SLC24A2: variants seen among roughly 807,000 people sequenced by gnomAD.
The protein encoded by SLC24A2 is solute carrier family 24 member 2.
In SLC24A2, 36 loss-of-function variants were observed where a neutral mutation model predicts 62.0. That is an observed-to-expected ratio of 0.58 (90% CI 0.44 to 0.77). The LOEUF is 0.77. SLC24A2 is among the 30% of genes least tolerant of loss of function. The probability of loss-of-function intolerance (pLI) is 0.00; values close to 1 mark genes in which losing one functional copy is unlikely to be tolerated. For synonymous variants in SLC24A2, 358 were observed against 294.0 expected, an observed-to-expected ratio of 1.22 and a Z score of -2.23; for missense variants, 846 against 817.9, an observed-to-expected ratio of 1.03 and a Z score of -0.42.
intron 1 of SLC24A2, 110 bp downstream of exon 1, chr9:19,788,775 A>G (rs866420245): frequency 2.0e-6 from 2 of 985,276 alleles, no homozygotes; most frequent in Admixed American, 6.1e-5. Context: ...CATCCACGGC[A>G]GAGCCACCTG....
chr9:20,142,109 G>T, the SLC24A2 span, among the ~76,000 whole-genome samples: 1 of 152,040 alleles, frequency 6.6e-6, no homozygotes, highest in East Asian at 1.9e-4. Context: ...ATTATTTAAA[G>T]AGTTCGATGA....
chr9:19,971,294 A>G, the SLC24A2 span, among the ~76,000 whole-genome samples: 1 of 152,344 alleles, frequency 6.6e-6, no homozygotes, highest in South Asian at 2.1e-4. Context: ...ATGCATGAGT[A>G]AAGAATGTTT....
At chr9:19,750,560 A>G (rs1347618645) in intron 2 of SLC24A2, among the ~76,000 whole-genome samples, 4 of 152,070 alleles carry the variant, frequency 2.6e-5, no homozygotes, top group African/African-American at 9.7e-5. Flanking sequence ...CAACAGCAAA[A>G]GGGTCTGAAC....
At chr9:19,571,676 C>A (rs912564945) in intron 7 of SLC24A2, among the ~76,000 whole-genome samples, 1 of 152,160 alleles carries the variant, frequency 6.6e-6, no homozygotes, top group Non-Finnish European at 1.5e-5. Context: ...TTTGTAAGTA[C>A]ATTAAAGTTT....
intron 2 of SLC24A2, among the ~76,000 whole-genome samples, chr9:19,785,113 C>T (rs938498682): frequency 1.3e-5 from 2 of 152,090 alleles, no homozygotes; most frequent in South Asian, 2.1e-4. Context: ...ATACCACATA[C>T]GATTGTATTG....
At chr9:20,121,549 T>C in the SLC24A2 span, among the ~76,000 whole-genome samples, 2 of 152,170 alleles carry the variant, frequency 1.3e-5, no homozygotes, top group Non-Finnish European at 2.9e-5. Flanking sequence ...TGCAAAGCTG[T>C]AGTTACCCAG....
At chr9:20,050,711 T>A in the SLC24A2 span, among the ~76,000 whole-genome samples, 3 of 152,160 alleles carry the variant, frequency 2.0e-5, no homozygotes, top group Admixed American at 2.0e-4. Context: ...CATAGTACAA[T>A]AAGCAAATAT....
At chr9:20,278,382 A>G in the SLC24A2 span, among the ~76,000 whole-genome samples, 25 of 152,174 alleles carry the variant, frequency 1.6e-4, no homozygotes, top group African/African-American at 4.6e-4. Context: ...ATAAAACTGA[A>G]TGCTTTTATG....
At position 19,592,336 on chromosome 9, in the gene SLC24A2, G is replaced by C. The variant is rs138311591; in HGVS notation, c.1129+4893C>G. On this transcript the variant is annotated intron_variant, in intron 5 of 10. Transcript: ENST00000341998. ...TTTTCTCCCTTATACAAATGAACAA[G>C]GATTGACTTTTTAAATAGTGGTGAA... Among the ~76,000 whole-genome samples the C allele has an allele frequency of 1.9e-3, 294 of 152,228 alleles. 1 individual carries two copies. Among genetic ancestry groups the C allele is most frequent in the African/African-American group, 6.6e-3 (276 of 41,524 alleles).
At chr9:19,666,140 T>G (rs1819246196) in intron 2 of SLC24A2, among the ~76,000 whole-genome samples, 1 of 152,160 alleles carries the variant, frequency 6.6e-6, no homozygotes, top group Non-Finnish European at 1.5e-5. Flanking sequence ...GCACAGTGGC[T>G]CACATCTGTA....
the SLC24A2 span, among the ~76,000 whole-genome samples, chr9:20,188,391 G>A: frequency 1.3e-5 from 2 of 152,178 alleles, no homozygotes; most frequent in South Asian, 4.1e-4. Flanking sequence ...GGAACTCCAA[G>A]TAACACTTTA....
chr9:19,986,546 T>C, the SLC24A2 span, among the ~76,000 whole-genome samples: 2 of 151,458 alleles, frequency 1.3e-5, no homozygotes, highest in Non-Finnish European at 2.9e-5. Context: ...CAAATGTCCA[T>C]CAGCAGATAA....
At chr9:20,117,949 T>G in the SLC24A2 span, among the ~76,000 whole-genome samples, 21,403 of 152,012 alleles carry the variant, frequency 0.14, 1,581 homozygotes, top group Middle Eastern at 0.26. Context: ...CTAGTAAGAG[T>G]CAGTGTCATA....
At chr9:19,730,492 C>T (rs1821303994) in intron 2 of SLC24A2, among the ~76,000 whole-genome samples, 1 of 151,984 alleles carries the variant, frequency 6.6e-6, no homozygotes, top group African/African-American at 2.4e-5. Context: ...CACCAGTAGG[C>T]GAACAGTTAA....
chr9:20,109,135 G>A, the SLC24A2 span, among the ~76,000 whole-genome samples: 6 of 152,094 alleles, frequency 3.9e-5, no homozygotes, highest in Non-Finnish European at 7.4e-5. Context: ...TGTGTAATAG[G>A]CTATACTGTC....
chr9:19,993,637 C>A, the SLC24A2 span, among the ~76,000 whole-genome samples: 1 of 152,184 alleles, frequency 6.6e-6, no homozygotes, highest in Non-Finnish European at 1.5e-5. Flanking sequence ...CACATCTCCT[C>A]CTCCGTGAAG....
the SLC24A2 span, among the ~76,000 whole-genome samples, chr9:19,978,187 A>G: frequency 4.6e-5 from 7 of 152,178 alleles, no homozygotes; most frequent in Admixed American, 1.3e-4. Flanking sequence ...GCCATTTACA[A>G]AGCTGGTTTA....
At chr9:19,968,255 C>T in the SLC24A2 span, among the ~76,000 whole-genome samples, 3 of 152,134 alleles carry the variant, frequency 2.0e-5, no homozygotes, top group Non-Finnish European at 1.5e-5. Context: ...CCACAGGGAC[C>T]CACATGGGCC....
chr9:20,171,415 C>A, the SLC24A2 span, among the ~76,000 whole-genome samples: 1 of 151,872 alleles, frequency 6.6e-6, no homozygotes, highest in Admixed American at 6.6e-5. Flanking sequence ...TTAAAAGGTA[C>A]AGAATTGCAG....
Sources: allele counts gnomAD v4.1 joint callset (sites outside exome capture counted in the v4.1 genomes callset), GRCh38; gene constraint gnomAD v4.1.1; transcripts MANE v1.5; gene names NCBI Gene and HGNC (gene_info 2026-07-23, HGNC 2026-07-21).